NRXN3: variants seen among roughly 807,000 people sequenced by gnomAD.
The protein encoded by NRXN3 is neurexin III.
In NRXN3, 32 loss-of-function variants were observed where a neutral mutation model predicts 137.6. That is an observed-to-expected ratio of 0.23 (90% CI 0.18 to 0.31). The LOEUF (loss-of-function observed/expected upper bound fraction) is 0.31. NRXN3 is among the 10% of genes least tolerant of loss of function. The pLI, the probability that NRXN3 is intolerant of heterozygous loss-of-function variation, is 1.00. For missense variants in NRXN3, 1,574 were observed against 2,062.5 expected, an observed-to-expected ratio of 0.76 and a Z score of 4.59; for synonymous variants, 798 against 784.5, an observed-to-expected ratio of 1.02 and a Z score of -0.29.
chr14:79,263,157 G>C (rs1026798351), intron 15 of NRXN3, among the ~76,000 whole-genome samples: 1 of 152,080 alleles, frequency 6.6e-6, no homozygotes, highest in East Asian at 1.9e-4. Flanking sequence ...CTATAATTTT[G>C]GGTCTTGAAC....
At chr14:78,779,189 C>G (rs1162831475) in intron 8 of NRXN3, among the ~76,000 whole-genome samples, 3 of 151,842 alleles carry the variant, frequency 2.0e-5, no homozygotes, top group African/African-American at 7.3e-5. Context: ...TAAACAAAAA[C>G]AGATTTTTCT....
intron 20 of NRXN3, among the ~76,000 whole-genome samples, chr14:79,848,127 A>C (rs770749910): frequency 1.3e-5 from 2 of 152,192 alleles, no homozygotes; most frequent in African/African-American, 4.8e-5. Flanking sequence ...TTTATAAAGT[A>C]TATGTGTGTA....
At chr14:79,278,818 C>T (rs567105931) in intron 15 of NRXN3, among the ~76,000 whole-genome samples, 1 of 152,250 alleles carries the variant, frequency 6.6e-6, no homozygotes, top group East Asian at 1.9e-4. Context: ...ATTCGCCCTG[C>T]GGGAGGGGCC....
intron 15 of NRXN3, among the ~76,000 whole-genome samples, chr14:79,411,077 C>A (rs2153514900): frequency 6.6e-6 from 1 of 152,162 alleles, no homozygotes; most frequent in South Asian, 2.1e-4. Context: ...GTAGGTTTTG[C>A]ATAAGGTAAT....
intron 14 of NRXN3, among the ~76,000 whole-genome samples, chr14:78,979,887 C>T (rs2099484951): frequency 6.6e-6 from 1 of 152,060 alleles, no homozygotes; most frequent in Non-Finnish European, 1.5e-5. Context: ...ATGGGAAAGA[C>T]CTACCCCCAT....
chr14:79,247,162 A>T (rs1456117802), intron 15 of NRXN3: 1 of 152,118 alleles, frequency 6.6e-6, no homozygotes, highest in Non-Finnish European at 1.5e-5. Flanking sequence ...CTATTTCATT[A>T]TATTATCTCT....
chr14:78,993,245 C>G (rs371147121), intron 15 of NRXN3, among the ~76,000 whole-genome samples: 9 of 151,960 alleles, frequency 5.9e-5, no homozygotes, highest in African/African-American at 1.7e-4. Context: ...TTGATTAAAT[C>G]TGTTAAAAAC....
intron 6 of NRXN3, among the ~76,000 whole-genome samples, chr14:78,677,862 C>T (rs1275222386): frequency 2.0e-5 from 3 of 152,168 alleles, no homozygotes; most frequent in African/African-American, 7.2e-5. Context: ...GCAGACCCTA[C>T]ACCAGCAAAA....
At chr14:79,076,614 A>C (rs2046019613) in intron 15 of NRXN3, among the ~76,000 whole-genome samples, 1 of 152,178 alleles carries the variant, frequency 6.6e-6, no homozygotes, top group South Asian at 2.1e-4. Context: ...TGTTGTTTTC[A>C]ATCTAATCTT....
intron 19 of NRXN3, among the ~76,000 whole-genome samples, chr14:79,798,102 A>AG (rs1191178309): frequency 1.3e-5 from 2 of 151,742 alleles, no homozygotes; most frequent in Non-Finnish European, 2.9e-5. Flanking sequence ...CCCTGTCTCA[A>AG]GGAAAAAAAA....
intron 18 of NRXN3, among the ~76,000 whole-genome samples, chr14:79,692,909 A>G (rs2098721670): frequency 6.6e-6 from 1 of 152,042 alleles, no homozygotes; most frequent in African/African-American, 2.4e-5. Context: ...AAACAAACTT[A>G]TTTTACACTT....
At chr14:78,525,357 C>A (rs935491836) in intron 4 of NRXN3, among the ~76,000 whole-genome samples, 1 of 152,214 alleles carries the variant, frequency 6.6e-6, no homozygotes, top group Admixed American at 6.5e-5. Flanking sequence ...TGAAAATAAG[C>A]ATTGGCCCCC....
intron 7 of NRXN3, among the ~76,000 whole-genome samples, chr14:78,711,139 T>C (rs2098403731): frequency 1.3e-5 from 2 of 152,064 alleles, no homozygotes; most frequent in Non-Finnish European, 2.9e-5. Context: ...GAGCATGTGT[T>C]TGGGATCTCT....
At chr14:78,171,011 G>T (rs2058672848) in intron 1 of NRXN3, among the ~76,000 whole-genome samples, 2 of 131,666 alleles carry the variant, frequency 1.5e-5, no homozygotes, top group South Asian at 2.6e-4. Context: ...AGTCTGAAAT[G>T]ATGTGTGCTC....
chr14:78,750,662 C>A (rs1323863012), intron 8 of NRXN3, among the ~76,000 whole-genome samples: 3 of 152,108 alleles, frequency 2.0e-5, no homozygotes, highest in Non-Finnish European at 4.4e-5. Context: ...GGGCCCCAGC[C>A]CTAAATTCAC....
intron 15 of NRXN3, among the ~76,000 whole-genome samples, chr14:79,057,335 G>A (rs73320815): frequency 0.044 from 6,743 of 152,264 alleles, 544 homozygotes; most frequent in African/African-American, 0.15. Context: ...GATATGTTTC[G>A]ATATCAGAAA....
In NRXN3 at chr14:79,320,279, C is replaced by T. The variant is rs377651498; in HGVS notation, c.3263-146942C>T. Among the ~76,000 whole-genome samples the T allele has an allele frequency of 5.3e-5, 8 of 152,294 alleles. 1 individual carries two copies. The highest frequency in any genetic ancestry group is 1.9e-4 in the African/African-American group (8 of 41,564). The stretch of plus-strand genomic sequence containing the variant: ...AATATCCACGAATAAATACACAATT[C>T]TCTCTTGCAGGAAATGCTATCAGTA... On this transcript the variant is annotated intron_variant, in intron 15 of 20. Transcript: ENST00000335750.
chr14:79,426,810 A>T (rs547103111), intron 15 of NRXN3, among the ~76,000 whole-genome samples: 5 of 152,336 alleles, frequency 3.3e-5, no homozygotes, highest in Admixed American at 3.3e-4. Context: ...TAGATACGAC[A>T]TTGGAATAAT....
Position 79,491,179 on chromosome 14 carries a change from G to A in NRXN3, c.3444+23777G>A, listed in dbSNP as rs181629335. Among the ~76,000 whole-genome samples the A allele has an allele frequency of 4.2e-3, 634 of 152,198 alleles. 4 individuals are homozygous for A. The highest frequency in any genetic ancestry group is 4.9e-3 in the Non-Finnish European group (332 of 68,006). On this transcript the variant is annotated intron_variant, in intron 16 of 20. Coordinates refer to ENST00000335750, the MANE Select transcript of NRXN3 (RefSeq NM_001330195.2). Reference sequence around the variant, plus strand: ...CAAGTCAGAATCCAAAATTTAGTGAGGTTAAGTGACTTGCCACCATGCTTG... The same window carrying A: ...CAAGTCAGAATCCAAAATTTAGTGAAGTTAAGTGACTTGCCACCATGCTTG...
Sources: gnomAD v4.1 joint callset for allele counts (sites outside exome capture counted in the v4.1 genomes callset) on GRCh38, gnomAD v4.1.1 for gene constraint, MANE v1.5 for transcripts, NCBI Gene and HGNC (gene_info 2026-07-23, HGNC 2026-07-21) for gene names.